CSMD1: variants seen among roughly 807,000 people sequenced by gnomAD.
The protein encoded by CSMD1 is CUB and sushi domain-containing protein 1.
In CSMD1, 213 loss-of-function variants were observed where a neutral mutation model predicts 417.5. That is an observed-to-expected ratio of 0.51 (90% CI 0.46 to 0.57). The LOEUF (loss-of-function observed/expected upper bound fraction) is 0.57, where lower values mean the gene tolerates loss of function less well. CSMD1 is among the 20% of genes least tolerant of loss of function. CSMD1 has a pLI of 0.00. For missense variants in CSMD1, 6,923 were observed against 4,529.7 expected, an observed-to-expected ratio of 1.53 and a Z score of -15.17; for synonymous variants, 2,862 against 1,736.8, an observed-to-expected ratio of 1.65 and a Z score of -16.11.
At chr8:3,548,893 C>T (rs1436449442) in intron 10 of CSMD1, among the ~76,000 whole-genome samples, 1 of 152,036 alleles carries the variant, frequency 6.6e-6, no homozygotes, top group Non-Finnish European at 1.5e-5. Context: ...GAGTCCACAT[C>T]CTCCCCTTCT....
At chr8:3,922,610 T>G (rs1312716772) in intron 5 of CSMD1, among the ~76,000 whole-genome samples, 1 of 152,200 alleles carries the variant, frequency 6.6e-6, no homozygotes, top group Non-Finnish European at 1.5e-5. Flanking sequence ...GTTAAAGCAG[T>G]CTATTTTGTG....
intron 5 of CSMD1, among the ~76,000 whole-genome samples, chr8:3,828,557 G>A (rs573261775): frequency 3.3e-5 from 5 of 152,188 alleles, no homozygotes; most frequent in African/African-American, 1.2e-4. Flanking sequence ...GTGTCTTACA[G>A]AACTTGTCGT....
intron 1 of CSMD1, among the ~76,000 whole-genome samples, chr8:4,839,611 TA>T (rs1800715845): frequency 6.6e-6 from 1 of 152,176 alleles, no homozygotes. Context: ...TTCTGTTTAA[TA>T]CTTCACTTAA....
chr8:3,279,278 G>T (rs80188933), intron 26 of CSMD1: 3,595 of 152,252 alleles, frequency 0.024, 43 homozygotes, highest in East Asian at 0.03. Flanking sequence ...TCCCTCTCTG[G>T]ACTCACCACA....
intron 2 of CSMD1, among the ~76,000 whole-genome samples, chr8:4,616,175 T>G (rs779383402): frequency 4.6e-5 from 7 of 152,194 alleles, no homozygotes; most frequent in Non-Finnish European, 7.3e-5. Flanking sequence ...TAGCTAAAAC[T>G]TCAAAAATAC....
chr8:4,115,264 C>T (rs1802073235), intron 3 of CSMD1, among the ~76,000 whole-genome samples: 3 of 152,218 alleles, frequency 2.0e-5, no homozygotes, highest in South Asian at 2.1e-4. Context: ...GATTATGACT[C>T]ACTGAACGCT....
intron 2 of CSMD1, among the ~76,000 whole-genome samples, chr8:4,609,082 TG>T (rs1801034159): frequency 6.6e-6 from 1 of 151,946 alleles, no homozygotes; most frequent in East Asian, 1.9e-4. Context: ...TTCAGGTTAC[TG>T]AGTTTTAGTT....
At chr8:4,070,348 C>T (rs184925069) in intron 3 of CSMD1, among the ~76,000 whole-genome samples, 1 of 151,988 alleles carries the variant, frequency 6.6e-6, no homozygotes, top group African/African-American at 2.4e-5. Flanking sequence ...CTTATATTAA[C>T]CAAAATATTT....
At chr8:4,431,237 T>C (rs1360200345) in intron 2 of CSMD1, among the ~76,000 whole-genome samples, 1 of 152,126 alleles carries the variant, frequency 6.6e-6, no homozygotes, top group Non-Finnish European at 1.5e-5. Flanking sequence ...ATTAAAAAAA[T>C]AGTGAAATGG....
chr8:4,463,384 A>AT (rs534736230), intron 2 of CSMD1, among the ~76,000 whole-genome samples: 49 of 152,366 alleles, frequency 3.2e-4, no homozygotes, highest in African/African-American at 9.4e-4. Flanking sequence ...GAAGTTCGAC[A>AT]TAACATTGCC....
chr8:4,478,154 G>A (rs1453096420), intron 2 of CSMD1, among the ~76,000 whole-genome samples: 1 of 152,084 alleles, frequency 6.6e-6, no homozygotes, highest in African/African-American at 2.4e-5. Flanking sequence ...GCAAAGATGG[G>A]CAATTTTCTT....
chr8:3,581,404 A>C (rs1800377143), intron 9 of CSMD1, among the ~76,000 whole-genome samples: 1 of 152,232 alleles, frequency 6.6e-6, no homozygotes, highest in Non-Finnish European at 1.5e-5. Flanking sequence ...CTGTTTGGTA[A>C]CAGGAAGAAA....
At chr8:3,185,091 C>G (rs894350873) in intron 36 of CSMD1, among the ~76,000 whole-genome samples, 3 of 152,138 alleles carry the variant, frequency 2.0e-5, no homozygotes, top group African/African-American at 7.2e-5. Context: ...GGACCATGGA[C>G]CCCCTAAATT....
intron 3 of CSMD1, among the ~76,000 whole-genome samples, chr8:4,317,593 GAGGA>G (rs1430678931): frequency 1.6e-5 from 2 of 123,882 alleles, no homozygotes; most frequent in African/African-American, 5.9e-5. Flanking sequence ...AAGAGAGAGA[GAGGA>G]GAGAGGGGAG....
At chr8:3,717,498 C>G (rs901893493) in intron 6 of CSMD1, among the ~76,000 whole-genome samples, 1 of 152,104 alleles carries the variant, frequency 6.6e-6, no homozygotes, top group East Asian at 1.9e-4. Context: ...CTTAGTTCAG[C>G]TAAAAACAGG....
chr8:3,819,065 C>G lies in CSMD1; in HGVS notation c.819-65023G>C, dbSNP rs1185737545. On this transcript the variant is annotated intron_variant, in intron 5 of 69. Transcript: ENST00000635120. ...ACATTTCCTGTTTGTAGGAAAATGG[C>G]ACAGCTTCATAGCTTAAGGCAGAGT... is the stretch of plus-strand genomic sequence containing the variant. 2.6e-5 allele frequency among the ~76,000 whole-genome samples: 4 copies of G among 152,266 alleles called. 1 individual carries two copies. The South Asian group carries it at 8.3e-4, about 32-fold the overall frequency.
intron 25 of CSMD1, among the ~76,000 whole-genome samples, chr8:3,304,256 A>C (rs930771371): frequency 3.3e-5 from 5 of 152,146 alleles, no homozygotes; most frequent in Non-Finnish European, 7.4e-5. Context: ...TGTATTTCTC[A>C]TTTTCAAGTT....
intron 5 of CSMD1, among the ~76,000 whole-genome samples, chr8:3,821,230 T>C (rs2129082706): frequency 6.6e-6 from 1 of 152,300 alleles, no homozygotes; most frequent in South Asian, 2.1e-4. Context: ...AGGTTAACTT[T>C]TTTAAAAGTA....
intron 5 of CSMD1, among the ~76,000 whole-genome samples, chr8:3,863,819 CG>C (rs1416453499): frequency 1.3e-5 from 2 of 150,842 alleles, no homozygotes; most frequent in African/African-American, 4.9e-5. Context: ...TTATTCATGA[CG>C]AAAAAAAAAA....
Sources: allele counts gnomAD v4.1 joint callset (sites outside exome capture counted in the v4.1 genomes callset), GRCh38; gene constraint gnomAD v4.1.1; transcripts MANE v1.5; gene names NCBI Gene and HGNC (gene_info 2026-07-23, HGNC 2026-07-21).